The following SHOX2 variants were observed in gnomAD, a reference collection of about 807,000 sequenced individuals.
SHOX2 encodes SHOX homeobox 2, also known as short stature homeobox protein 2.
A neutral mutation model predicts 31.3 loss-of-function variants in SHOX2; 13 were observed. The observed-to-expected ratio is 0.42, with a 90% CI of 0.27 to 0.66. The LOEUF is 0.66. Ranked by LOEUF, SHOX2 falls within the 30% of genes least tolerant of loss-of-function variation. The pLI is 0.27. For synonymous variants in SHOX2, 244 were observed against 196.2 expected (o/e 1.24, Z -2.04); for missense variants, 473 against 443.0 (o/e 1.07, Z -0.61).
rs1292107721 is a variant in SHOX2, at chr3:158,096,934, C to T, written c.*1093G>A. 3.0e-4 allele frequency: 9 copies of T among 29,846 alleles called. 1 individual carries two copies. Among genetic ancestry groups the T allele is most frequent in the Non-Finnish European group, 5.5e-4 (7 of 12,754 alleles). The allele number at this position is 29,846 out of a possible 1,614,324, so 1.8% of individuals were successfully genotyped here. ...TATATATATATATATATATATATGG[C>T]AAATATATGATATATATATATGGAT... On this transcript the variant is annotated 3_prime_UTR_variant, in exon 5 of 5. Transcript: ENST00000483851.
intron 4 of SHOX2, 147 bp from the exon 5 acceptor site, chr3:158,098,431 T>A: frequency 2.1e-6 from 2 of 964,804 alleles, no homozygotes; most frequent in Non-Finnish European, 3.1e-6. Context: ...TGCATCTTGT[T>A]CCGACAGTGA....
chr3:158,100,077 T>C, intron 3 of SHOX2, 129 bp from the exon 4 acceptor site: 1 of 940,048 alleles, frequency 1.1e-6, no homozygotes, highest in East Asian at 2.5e-5. Context: ...GCATCCAAAA[T>C]TTAAATAAAT....
chr3:158,101,818 C>G (rs937786579), intron 2 of SHOX2, among the ~76,000 whole-genome samples: 1 of 152,160 alleles, frequency 6.6e-6, no homozygotes, highest in African/African-American at 2.4e-5. Context: ...CAATCTGAAA[C>G]ATTTAAATTT....
Position 158,098,085 on chromosome 3 carries a change from G to A in SHOX2, c.902C>T (p.Ser301Phe), listed in dbSNP as rs149542490. The A allele has an allele frequency of 3.8e-5, 61 of 1,612,264 alleles. No homozygotes were observed. Among genetic ancestry groups the A allele is most frequent in the Non-Finnish European group, 4.7e-5 (55 of 1,178,978 alleles). ...TTTCAGTCTGAGATCGGCGATGCTG[G>A]AGTTCTTGCTGGTGGTCTTGGCGGC... ...AAAAKTTSKN[S>F]SIADLRLKAK... The change falls in exon 5 of 5, where the codon TCC (serine) becomes TTC (phenylalanine). Residue 301 changes from serine to phenylalanine, a missense_variant. By Grantham distance (155) the Ser-to-Phe change is radical. This residue lies in a region of SHOX2 where 182 missense variants were observed against 167.2 expected (regional missense o/e 1.09). Transcript: ENST00000483851.
rs1304569385 is a variant in SHOX2, at chr3:158,106,048, C to T, written c.-24G>A. On this transcript the variant is annotated 5_prime_UTR_variant, in exon 1 of 5. Transcript: ENST00000483851. ...ATCGCCGCCGCACGTCAGCCCGGCG[C>T]TCAACCTCTGCCAGCAGAGCCCCGC... 3.1e-6 allele frequency: 5 copies of T among 1,611,410 alleles called. No homozygotes were observed. Among genetic ancestry groups the T allele is most frequent in the Admixed American group, 3.3e-5 (2 of 59,932 alleles).
chr3:158,105,594 G>T, intron 1 of SHOX2, 85 bp downstream of exon 1: 9 of 1,252,986 alleles, frequency 7.2e-6, no homozygotes, highest in Non-Finnish European at 9.8e-6. Flanking sequence ...TCCCCTCCCC[G>T]CTGGGCCTCG....
Position 158,096,430 on chromosome 3 carries a change from A to C in SHOX2, c.*1597T>G, listed in dbSNP as rs943469941. ...CAAAAGAAAAAAAAAAACAAAAAAG[A>C]AACAAACAAACAAAAAAAAAAGGTT... On this transcript the variant is annotated 3_prime_UTR_variant, in exon 5 of 5. Transcript: ENST00000483851. 1.6e-5 allele frequency: 2 copies of C among 123,896 alleles called. No individual in the cohort carries two copies. Among genetic ancestry groups the C allele is most frequent in the African/African-American group, 5.9e-5 (2 of 33,774 alleles). The allele number at this position is 123,896 out of a possible 1,614,324, so 7.7% of individuals were successfully genotyped here.
At chr3:158,101,548 G>C (rs1012269075) in intron 2 of SHOX2, among the ~76,000 whole-genome samples, 3 of 151,980 alleles carry the variant, frequency 2.0e-5, no homozygotes, top group Admixed American at 2.0e-4. Context: ...TGATGACCAA[G>C]GCAGCCTATT....
chr3:158,105,256 T>C, intron 1 of SHOX2: 1 of 646,682 alleles, frequency 1.5e-6, no homozygotes, highest in Non-Finnish European at 2.8e-6. Context: ...CCTCTGCCCC[T>C]TCTCCCTCCC....
chr3:158,105,947 C>G lies in SHOX2; in HGVS notation c.78G>C (p.Arg26=). ...VKEKKEAITY[R]EVLESGPLRG... ...GCAGCGGCCCGCTCTCCAGCACCTC[C>G]CGGTACGTGATCGCCTCCTTCTTCT... The change falls in exon 1 of 5, where the codon CGG becomes CGC. Residue 26 remains arginine (R), a synonymous_variant. Coordinates refer to ENST00000483851, the MANE Select transcript of SHOX2 (RefSeq NM_001163678.2). 1 of 1,612,464 alleles carries G rather than the reference C, an allele frequency of 6.2e-7. No homozygotes were observed. The highest frequency in any genetic ancestry group is 8.5e-7 in the Non-Finnish European group (1 of 1,179,620).
In SHOX2 at chr3:158,105,919, C is replaced by A; in HGVS notation, c.106G>T (p.Gly36Trp). The A allele has an allele frequency of 6.2e-7, 1 of 1,605,342 alleles. No homozygotes were observed. Among genetic ancestry groups the A allele is most frequent in the Non-Finnish European group, 8.5e-7 (1 of 1,176,294 alleles). The change falls in exon 1 of 5, where the codon GGG becomes TGG. Residue 36 changes from glycine (G) to tryptophan (W), a missense_variant. Transcript: ENST00000483851. ...REVLESGPLR[G>W]AKEPTGCTEA... Reference sequence around the variant, plus strand: ...GTGCAGCCGGTCGGCTCCTTGGCCCCGCGCAGCGGCCCGCTCTCCAGCACC... The same window carrying A: ...GTGCAGCCGGTCGGCTCCTTGGCCCAGCGCAGCGGCCCGCTCTCCAGCACC...
In SHOX2 at chr3:158,105,780, C is replaced by A. The variant is rs1216008891; in HGVS notation, c.245G>T (p.Gly82Val). Reference protein sequence around the residue: ...GGGGGGVGGGGAGGGAGGGRS... With the variant: ...GGGGGGVGGGVAGGGAGGGRS... ...CCCTCCTCCAGCTCCTCCGCCTGCT[C>A]CTCCTCCTCCTACACCTCCTCCGCC... Residue 82 changes from glycine (G) to valine (V), a missense_variant, in exon 1 of 5, where the codon GGA becomes GTA. Transcript: ENST00000483851. 6.6e-7 allele frequency: 1 copy of A among 1,515,378 alleles called. No homozygotes were observed. 93.9% of individuals were successfully genotyped at this position (1,515,378 alleles called of 1,614,324 possible). A position where few individuals can be genotyped will look rare whatever the true frequency, so the allele number is the denominator to read the frequency against.
chr3:158,097,888 G>C lies in SHOX2; in HGVS notation c.*139C>G. On this transcript the variant is annotated 3_prime_UTR_variant, in exon 5 of 5. Coordinates refer to ENST00000483851, the MANE Select transcript of SHOX2 (RefSeq NM_001163678.2). ...GGCTTTCCGAGTCCAAGATGCGATA[G>C]GGGACGAGGGATGGTCAGTGAGGCG... 8.9e-6 allele frequency: 10 copies of C among 1,118,048 alleles called. No individual in the cohort carries two copies. Among genetic ancestry groups the C allele is most frequent in the Non-Finnish European group, 1.1e-5 (9 of 785,518 alleles). 69.3% of individuals were successfully genotyped at this position (1,118,048 alleles called of 1,614,324 possible).
rs1049568246 is a variant in SHOX2, at chr3:158,106,160, G to A, written c.-136C>T. 14 of 1,392,502 alleles carry A rather than the reference G, an allele frequency of 1.0e-5. No individual in the cohort carries two copies. The Middle Eastern group carries it at 8.1e-4, about 81-fold the overall frequency. The allele number at this position is 1,392,502 out of a possible 1,614,324, so 86.3% of individuals were successfully genotyped here. ...ACAGGAGGTGGGGGAGGAGAGGGAG[G>A]AGGAGAAAGAAGAAGAAAAAGAGGA... is the stretch of plus-strand genomic sequence containing the variant. On this transcript the variant is annotated 5_prime_UTR_variant, in exon 1 of 5. Transcript: ENST00000483851.
rs1345235855 is a variant in SHOX2 at position 158,097,771 on chromosome 3, A to G, written c.*256T>C. On this transcript the variant is annotated 3_prime_UTR_variant, in exon 5 of 5. Transcript: ENST00000483851. The stretch of plus-strand genomic sequence containing the variant: ...TCCAGACTCCCCCAAACCCGCTCCT[A>G]CAAAACCCAATTCTAGGCCCTCGAG... 9.3e-6 allele frequency: 5 copies of G among 536,782 alleles called. No individual in the cohort carries two copies. The highest frequency in any genetic ancestry group is 1.3e-5 in the Non-Finnish European group (4 of 304,056). The allele number at this position is 536,782 out of a possible 1,614,324, so 33.3% of individuals were successfully genotyped here.
Position 158,105,856 on chromosome 3 carries a change from G to T in SHOX2, c.169C>A (p.Arg57=), listed in dbSNP as rs780921313. Residue 57 remains arginine (R), a synonymous_variant, in exon 1 of 5, where the codon CGG becomes AGG. Transcript: ENST00000483851. Reference sequence around the variant, plus strand: ...CCGCCGCCGCCTCCGCCGGCCGCCCGGACTGCCGGGCTGCTGCGGTCGTCG... The same window carrying T: ...CCGCCGCCGCCTCCGCCGGCCGCCCTGACTGCCGGGCTGCTGCGGTCGTCG... The part of the protein sequence containing the change: ...GRDDRSSPAV[R]AAGGGGGGGG... The T allele has an allele frequency of 1.2e-5, 18 of 1,451,346 alleles. No homozygotes were observed. The highest frequency in any genetic ancestry group is 1.6e-5 in the Non-Finnish European group (18 of 1,107,098). 89.9% of individuals were successfully genotyped at this position (1,451,346 alleles called of 1,614,324 possible). A position where few individuals can be genotyped will look rare whatever the true frequency, so the allele number is the denominator to read the frequency against.
intron 1 of SHOX2, chr3:158,103,305 A>C (rs1216114504): frequency 7.8e-6 from 2 of 257,408 alleles, no homozygotes; most frequent in African/African-American, 4.5e-5. Context: ...AAGTCTGGAC[A>C]TAAGGGCGCG....
chr3:158,100,832 A>G (rs1338659356), intron 2 of SHOX2, among the ~76,000 whole-genome samples: 2 of 152,268 alleles, frequency 1.3e-5, no homozygotes, highest in Non-Finnish European at 2.9e-5. Context: ...GCTGTGCAGC[A>G]GAGTGAAACA....
At position 158,105,809 on chromosome 3, in the gene SHOX2, T is replaced by A. The variant is rs749098211; in HGVS notation, c.216A>T (p.Gly72=). 1.4e-6 allele frequency: 2 copies of A among 1,462,922 alleles called. No individual in the cohort carries two copies. The highest frequency in any genetic ancestry group is 1.3e-5 in the South Asian group (1 of 75,612). 90.6% of individuals were successfully genotyped at this position (1,462,922 alleles called of 1,614,324 possible). Residue 72 remains glycine (G), a synonymous_variant, in exon 1 of 5, where the codon GGA becomes GGT. Transcript: ENST00000483851. ...GGGGGGGGGG[G]GGGGGVGGGG... Reference sequence around the variant, plus strand: ...CTCCTCCTACACCTCCTCCGCCTCCTCCGCCGCCGCCTCCGCCTCCTCCGC... The same window carrying A: ...CTCCTCCTACACCTCCTCCGCCTCCACCGCCGCCGCCTCCGCCTCCTCCGC...
Sources: gnomAD v4.1 joint callset for allele counts (sites outside exome capture counted in the v4.1 genomes callset) on GRCh38, gnomAD v4.1.1 for gene constraint, gnomAD v4.1.1 regional missense constraint, MANE v1.5 for transcripts, NCBI Gene and HGNC (gene_info 2026-07-23, HGNC 2026-07-21) for gene names.